JPT2: variants seen among roughly 807,000 people sequenced by gnomAD.
JPT2 encodes CRAMP_1 like.
JPT2 carries 9 observed loss-of-function variants against 15.9 expected under a neutral mutation model. The observed-to-expected ratio is 0.57, with a 90% CI of 0.34 to 0.99. The LOEUF (loss-of-function observed/expected upper bound fraction) is 0.99, where lower values mean the gene tolerates loss of function less well. Among genes scored for constraint, JPT2 ranks in the 50% least tolerant of loss-of-function variants. The probability of loss-of-function intolerance (pLI) is 0.02; values close to 1 mark genes in which losing one functional copy is unlikely to be tolerated. For synonymous variants in JPT2, 95 were observed against 91.7 expected (o/e 1.04, Z -0.21); for missense variants, 267 against 252.1 (o/e 1.06, Z -0.40).
chr16:1,685,636 T>C (rs774918228), intron 2 of JPT2, 49 bp downstream of exon 2: 31 of 1,567,730 alleles, frequency 2.0e-5, no homozygotes, highest in Non-Finnish European at 2.6e-5. Flanking sequence ...CGATTCTCTT[T>C]TGAAAATATT....
Position 1,697,880 on chromosome 16 carries a change from C to T in JPT2, c.385+20C>T. 1 of 1,609,704 alleles carries T rather than the reference C, an allele frequency of 6.2e-7. No homozygotes were observed. On this transcript the variant is annotated intron_variant, in intron 4 of 4. Transcript: ENST00000248098. ...TTAAAGGTGAGCTTTTGTTTTCTTTCCCTTCTCCTGAGTGGCCTCATTATT... is the reference window on the plus strand; with the variant it reads ...TTAAAGGTGAGCTTTTGTTTTCTTTTCCTTCTCCTGAGTGGCCTCATTATT...
intron 3 of JPT2, among the ~76,000 whole-genome samples, chr16:1,692,944 C>G (rs1205987130): frequency 1.3e-5 from 2 of 152,182 alleles, no homozygotes; most frequent in African/African-American, 4.8e-5. Context: ...AAGGAGAGGA[C>G]ATGAGTGGAT....
At chr16:1,694,465 TTTA>T (rs1315125162) in intron 3 of JPT2, among the ~76,000 whole-genome samples, 4 of 152,260 alleles carry the variant, frequency 2.6e-5, no homozygotes, top group Admixed American at 6.5e-5. Context: ...CTAATGGTGT[TTTA>T]TTCTGTAATG....
In JPT2 at chr16:1,698,213, G is replaced by A. The variant is rs1402360653; in HGVS notation, c.385+353G>A. On this transcript the variant is annotated intron_variant, in intron 4 of 4. Coordinates refer to ENST00000248098, the MANE Select transcript of JPT2 (RefSeq NM_144570.3). This position sits in a 1 kb window ranked among gnomAD's most constrained non-coding sequence, Gnocchi z 4.9. Reference sequence around the variant, plus strand: ...GAGAGGGGCACAAGAGAGGGATGGAGGATGGGGAGGCGGGTGTCTCCATGG... The same window carrying A: ...GAGAGGGGCACAAGAGAGGGATGGAAGATGGGGAGGCGGGTGTCTCCATGG... Among the ~76,000 whole-genome samples the A allele has an allele frequency of 6.6e-6, 1 of 152,232 alleles. No homozygotes were observed. Among genetic ancestry groups the A allele is most frequent in the Non-Finnish European group, 1.5e-5 (1 of 68,042 alleles).
intron 3 of JPT2, 124 bp from the exon 4 acceptor site, chr16:1,697,688 T>C (rs2037152515): frequency 1.2e-6 from 1 of 805,538 alleles, no homozygotes; most frequent in Non-Finnish European, 2.1e-6. Context: ...GGGGGGGTCC[T>C]GAGGTCAGAT....
At position 1,697,850 on chromosome 16, in the gene JPT2, G is replaced by A. The variant is rs773881095; in HGVS notation, c.375G>A (p.Ser125=). 14 of 1,613,706 alleles carry A rather than the reference G, an allele frequency of 8.7e-6. No individual in the cohort carries two copies. The highest frequency in any genetic ancestry group is 2.2e-5 in the South Asian group (2 of 91,046). The change falls in exon 4 of 5, where the codon TCG becomes TCA. Residue 125 remains serine, a synonymous_variant. Transcript: ENST00000248098. ...VFLCEGEEPK[S]DLKAARSIPA... ...TATGTGAAGGAGAAGAACCAAAATC[G>A]GATCTTAAAGGTGAGCTTTTGTTTT... is the stretch of plus-strand genomic sequence containing the variant.
intron 1 of JPT2, chr16:1,680,598 C>T: frequency 1.1e-6 from 1 of 882,678 alleles, no homozygotes; most frequent in African/African-American, 1.8e-5. Context: ...GTAAGCGTCA[C>T]ATTTAGTTTT....
chr16:1,699,217 G>C lies in JPT2; in HGVS notation c.*219G>C, dbSNP rs1330675054. Reference sequence around the variant, plus strand: ...TGTGGGGATGAAATGGGGCACCCCTGGCCATCACTCATGTGTAGTCCAGGT... The same window carrying C: ...TGTGGGGATGAAATGGGGCACCCCTCGCCATCACTCATGTGTAGTCCAGGT... On this transcript the variant is annotated 3_prime_UTR_variant, in exon 5 of 5. Coordinates refer to ENST00000248098, the MANE Select transcript of JPT2 (RefSeq NM_144570.3). 1 of 683,744 alleles carries C rather than the reference G, an allele frequency of 1.5e-6. No individual in the cohort carries two copies. The highest frequency in any genetic ancestry group is 1.5e-5 in the South Asian group (1 of 66,570). 42.4% of individuals were successfully genotyped at this position (683,744 alleles called of 1,614,324 possible). A position where few individuals can be genotyped will look rare whatever the true frequency, so the allele number is the denominator to read the frequency against.
chr16:1,681,334 T>G (rs908290843), intron 1 of JPT2, among the ~76,000 whole-genome samples: 2 of 152,356 alleles, frequency 1.3e-5, no homozygotes, highest in South Asian at 4.1e-4. Context: ...CCGCTGCCCC[T>G]TGCCTGGGGC....
rs917588405 is a variant in JPT2 at position 1,680,624 on chromosome 16, A to T, written c.44+2268A>T. 1.8e-5 allele frequency: 10 copies of T among 543,438 alleles called. 1 individual carries two copies. In the Admixed American group the frequency reaches 5.5e-4, roughly 30 times the overall value. 33.7% of individuals were successfully genotyped at this position (543,438 alleles called of 1,614,324 possible). A position where few individuals can be genotyped will look rare whatever the true frequency, so the allele number is the denominator to read the frequency against. On this transcript the variant is annotated intron_variant, in intron 1 of 4. Coordinates refer to ENST00000248098, the MANE Select transcript of JPT2 (RefSeq NM_144570.3). ...ATTTAGTTTTGCTGTGAAGCGAGTC[A>T]GGTGGTGGCTGTAAGATTACCTAGC...
At position 1,678,335 on chromosome 16, in the gene JPT2, A is replaced by C. The variant is rs1398183493; in HGVS notation, c.23A>C (p.Glu8Ala). The stretch of plus-strand genomic sequence containing the variant: ...GACATGTTCCAGGTCCCGGATAGCG[A>C]GGGCGGCCGCGCCGGCTCCAGGTGC... The part of the protein sequence containing the change: MFQVPDS[E>A]GGRAGSRAMK... The change falls in exon 1 of 5, where the codon GAG (glutamate) becomes GCG (alanine). Residue 8 changes from glutamate (E) to alanine (A), a missense_variant. Glu to Ala is a moderately radical substitution (Grantham distance 107, BLOSUM62 -1). Coordinates refer to ENST00000248098, the MANE Select transcript of JPT2 (RefSeq NM_144570.3). 10 of 1,230,896 alleles carry C rather than the reference A, an allele frequency of 8.1e-6. No individual in the cohort carries two copies. In the East Asian group the frequency reaches 3.2e-4, roughly 39 times the overall value. The allele number at this position is 1,230,896 out of a possible 1,614,324, so 76.2% of individuals were successfully genotyped here.
chr16:1,698,799 T>C lies in JPT2; in HGVS notation c.386-12T>C, dbSNP rs749046914. The C allele has an allele frequency of 1.2e-6, 2 of 1,604,410 alleles. No individual in the cohort carries two copies. The highest frequency in any genetic ancestry group is 2.7e-5 in the African/African-American group (2 of 74,312). ...CTCTAATGGGATGTTGTTCTAACTTTGTGTCCCACAGCTGCAAGGAGCATC... is the reference window on the plus strand; with the variant it reads ...CTCTAATGGGATGTTGTTCTAACTTCGTGTCCCACAGCTGCAAGGAGCATC... On this transcript the variant is annotated splice_polypyrimidine_tract_variant and intron_variant, in intron 4 of 4. Transcript: ENST00000248098. This position sits in a 1 kb window ranked among gnomAD's most constrained non-coding sequence, Gnocchi z 4.9.
Position 1,702,010 on chromosome 16 carries a change from C to T in JPT2, c.*3012C>T, listed in dbSNP as rs151223270. The T allele has an allele frequency of 5.2e-4, 206 of 395,904 alleles. No homozygotes were observed. Among genetic ancestry groups the T allele is most frequent in the African/African-American group, 3.8e-3 (186 of 48,780 alleles). The allele number at this position is 395,904 out of a possible 1,614,324, so 24.5% of individuals were successfully genotyped here. On this transcript the variant is annotated 3_prime_UTR_variant, in exon 5 of 5. Transcript: ENST00000248098. ...GTAGTGAGTGATGATCATGCCACTG[C>T]ACTTCAGCCTGGACCACAGAGCAAG...
At chr16:1,702,424 C>T, downstream of JPT2, 2 of 307,800 alleles carry the variant, frequency 6.5e-6, no homozygotes, top group Non-Finnish European at 6.6e-6. Context: ...ACAGCTCCTC[C>T]GTCTCCAGAG....
At chr16:1,684,395 G>A (rs1044753527) in intron 1 of JPT2, among the ~76,000 whole-genome samples, 1 of 152,166 alleles carries the variant, frequency 6.6e-6, no homozygotes, top group Non-Finnish European at 1.5e-5. Flanking sequence ...TCTAGAAATA[G>A]AGCTTTGTGG....
rs1329966133 is a variant in JPT2 at position 1,678,320 on chromosome 16, A to G, written c.8A>G (p.Gln3Arg). ...AGGGTGGCGGCGGTCGACATGTTCC[A>G]GGTCCCGGATAGCGAGGGCGGCCGC... MFQVPDSEGGRAG... is the reference protein window; with the variant it reads MFRVPDSEGGRAG... Residue 3 changes from glutamine to arginine, a missense_variant, in exon 1 of 5, where the codon CAG becomes CGG. Transcript: ENST00000248098. 2 of 1,237,078 alleles carry G rather than the reference A, an allele frequency of 1.6e-6. No individual in the cohort carries two copies. The highest frequency in any genetic ancestry group is 6.4e-5 in the East Asian group (2 of 31,482). The allele number at this position is 1,237,078 out of a possible 1,614,324, so 76.6% of individuals were successfully genotyped here.
At chr16:1,681,379 G>A (rs2235489) in intron 1 of JPT2, among the ~76,000 whole-genome samples, 1 of 151,994 alleles carries the variant, frequency 6.6e-6, no homozygotes, top group Non-Finnish European at 1.5e-5. Flanking sequence ...TGCTAAAACC[G>A]TCTTTGGTAC....
chr16:1,699,138 C>A lies in JPT2; in HGVS notation c.*140C>A. 1 of 886,558 alleles carries A rather than the reference C, an allele frequency of 1.1e-6. No individual in the cohort carries two copies. The highest frequency in any genetic ancestry group is 1.4e-5 in the South Asian group (1 of 72,224). The allele number at this position is 886,558 out of a possible 1,614,324, so 54.9% of individuals were successfully genotyped here. The stretch of plus-strand genomic sequence containing the variant: ...GCCTGGCTGCTCAGCGTCTCCTGGC[C>A]GTCATGACAGCTGCTTGGAGACCCG... On this transcript the variant is annotated 3_prime_UTR_variant, in exon 5 of 5. Coordinates refer to ENST00000248098, the MANE Select transcript of JPT2 (RefSeq NM_144570.3).
Position 1,700,207 on chromosome 16 carries a change from G to A in JPT2, c.*1209G>A. On this transcript the variant is annotated 3_prime_UTR_variant, in exon 5 of 5. Coordinates refer to ENST00000248098, the MANE Select transcript of JPT2 (RefSeq NM_144570.3). ...AGAGACTAGAGACCTTAGGCCAGGA[G>A]ATGAAGGAGTTCAGTAGCAAAGTCA... 3 of 455,498 alleles carry A rather than the reference G, an allele frequency of 6.6e-6. No individual in the cohort carries two copies. The highest frequency in any genetic ancestry group is 8.8e-6 in the Non-Finnish European group (2 of 226,358). 28.2% of individuals were successfully genotyped at this position (455,498 alleles called of 1,614,324 possible).
Sources: allele counts gnomAD v4.1 joint callset (sites outside exome capture counted in the v4.1 genomes callset), GRCh38; gene constraint gnomAD v4.1.1; non-coding constraint Gnocchi (gnomAD v3.1); transcripts MANE v1.5; gene names NCBI Gene and HGNC (gene_info 2026-07-23, HGNC 2026-07-21).